The following GABPB1 variants were observed in gnomAD, a reference collection of about 807,000 sequenced individuals.
GABPB1 encodes the protein GA binding protein transcription factor subunit beta 1.
A neutral mutation model predicts 45.9 loss-of-function variants in GABPB1; 15 were observed. That is an observed-to-expected ratio of 0.33 (90% confidence interval 0.22 to 0.50). The LOEUF (loss-of-function observed/expected upper bound fraction) is 0.50. Among genes scored for constraint, GABPB1 ranks in the 20% least tolerant of loss-of-function variants. GABPB1 has a pLI of 0.98. For synonymous variants in GABPB1, 143 were observed against 154.4 expected (o/e 0.93, Z 0.55); for missense variants, 252 against 457.5 (o/e 0.55, Z 4.10).
intron 1 of GABPB1, among the ~76,000 whole-genome samples, chr15:50,319,166 G>A (rs2047461124): frequency 6.6e-6 from 1 of 152,218 alleles, no homozygotes; most frequent in Non-Finnish European, 1.5e-5. Context: ...AGACCTCTGG[G>A]AAAGAGGGTT....
In GABPB1 at chr15:50,285,358, A is replaced by G. The variant is rs140251861; in HGVS notation, c.999+710T>C. 6.2e-4 allele frequency among the ~76,000 whole-genome samples: 94 copies of G among 152,266 alleles called. 1 individual carries two copies. The highest frequency in any genetic ancestry group is 2.1e-3 in the African/African-American group (88 of 41,562). On this transcript the variant is annotated intron_variant, in intron 8 of 8. Coordinates refer to ENST00000380877, the MANE Select transcript of GABPB1 (RefSeq NM_016654.5). ...AAGAGGTGGGATTCCAACTCAGTTC[A>G]TTTGATTTCAAGTTCAGTGGCTGCA...
At chr15:50,324,306 G>T (rs185161350) in intron 1 of GABPB1, among the ~76,000 whole-genome samples, 1 of 152,130 alleles carries the variant, frequency 6.6e-6, no homozygotes, top group East Asian at 1.9e-4. Context: ...CACTGTTAAC[G>T]ACCTGCATTC....
At chr15:50,350,432 T>C (rs1344475885) in intron 1 of GABPB1, 3 of 149,856 alleles carry the variant, frequency 2.0e-5, no homozygotes, top group Non-Finnish European at 4.4e-5. Context: ...TTAAAGGGAA[T>C]TTCCATGTCA....
chr15:50,288,410 G>A (rs2046236094), intron 7 of GABPB1, among the ~76,000 whole-genome samples: 1 of 152,168 alleles, frequency 6.6e-6, no homozygotes, highest in Admixed American at 6.5e-5. Context: ...GGGGAGACAA[G>A]GTACAGGGCA....
chr15:50,306,603 G>A (rs1354727703), intron 2 of GABPB1, among the ~76,000 whole-genome samples: 10 of 150,332 alleles, frequency 6.7e-5, no homozygotes, highest in Non-Finnish European at 1.5e-4. Flanking sequence ...CTCCAGCCTG[G>A]GCAACAGAGC....
chr15:50,304,151 A>G lies in GABPB1; in HGVS notation c.109-18T>C. The G allele has an allele frequency of 1.3e-6, 2 of 1,559,626 alleles. No homozygotes were observed. Among genetic ancestry groups the G allele is most frequent in the South Asian group, 2.4e-5 (2 of 81,682 alleles). The stretch of plus-strand genomic sequence containing the variant: ...GTTCCCAGCTGTACCACAGAAAAAA[A>G]AAAAAATCCACATTTACATTATTGT... On this transcript the variant is annotated intron_variant, in intron 2 of 8. Coordinates refer to ENST00000380877, the MANE Select transcript of GABPB1 (RefSeq NM_016654.5).
intron 1 of GABPB1, among the ~76,000 whole-genome samples, chr15:50,348,043 G>GAAAAAAAAAAAAAA (rs763521486): frequency 2.6e-5 from 3 of 113,702 alleles, no homozygotes; most frequent in African/African-American, 4.1e-5. Context: ...ACTCCATCTG[G>GAAAAAAAAAAAAAA]AAAAAAAAAA....
At chr15:50,280,946 T>C (rs893934571) in intron 8 of GABPB1, among the ~76,000 whole-genome samples, 2 of 152,170 alleles carry the variant, frequency 1.3e-5, no homozygotes, top group African/African-American at 4.8e-5. Flanking sequence ...TCACAATTAT[T>C]GCAGAAGATG....
At chr15:50,287,606 A>G (rs957211734) in intron 7 of GABPB1, among the ~76,000 whole-genome samples, 1 of 152,224 alleles carries the variant, frequency 6.6e-6, no homozygotes, top group Non-Finnish European at 1.5e-5. Context: ...GCAGCCTCAG[A>G]AGAAACCAAA....
At chr15:50,307,971 TTCTA>T (rs963380947) in intron 2 of GABPB1, among the ~76,000 whole-genome samples, 1 of 152,216 alleles carries the variant, frequency 6.6e-6, no homozygotes, top group Non-Finnish European at 1.5e-5. Context: ...CTTTTACATT[TTCTA>T]TCTATTTTTA....
intron 8 of GABPB1, among the ~76,000 whole-genome samples, chr15:50,280,468 G>A (rs369452064): frequency 6.6e-6 from 1 of 152,166 alleles, no homozygotes; most frequent in African/African-American, 2.4e-5. Context: ...AATTTTACGT[G>A]TGGCTGGGCA....
At chr15:50,354,314 A>C (rs918859921) in intron 1 of GABPB1, 2 of 446,030 alleles carry the variant, frequency 4.5e-6, no homozygotes, top group Non-Finnish European at 9.0e-6. Flanking sequence ...CCCCCTCAGG[A>C]CTCCAGTCCC....
chr15:50,303,261 G>A (rs2046821348), intron 3 of GABPB1, 138 bp from the exon 4 acceptor site: 1 of 715,124 alleles, frequency 1.4e-6, no homozygotes, highest in Non-Finnish European at 2.2e-6. Flanking sequence ...TTAAATAGAT[G>A]TTCCAGGCCA....
At chr15:50,313,302 A>C (rs2047194672) in intron 1 of GABPB1, among the ~76,000 whole-genome samples, 1 of 152,194 alleles carries the variant, frequency 6.6e-6, no homozygotes, top group South Asian at 2.1e-4. Context: ...AGGTTAACAT[A>C]AAGTAAATAA....
In GABPB1 at chr15:50,328,238, T is replaced by TA. The variant is rs930410845; in HGVS notation, c.1-18441dup. On this transcript the variant is annotated intron_variant, in intron 1 of 8. Transcript: ENST00000380877. ...CATCTTGCTTCATCCTATTCCTTTC[T>TA]AAAAAAAAAAAAAATTGTACTTTAC... Among the ~76,000 whole-genome samples, 919 of 142,836 alleles carry TA rather than the reference T, an allele frequency of 6.4e-3. 5 individuals carry two copies. The highest frequency in any genetic ancestry group is 0.015 in the African/African-American group (607 of 39,298). 93.7% of individuals were successfully genotyped at this position (142,836 alleles called of 152,430 possible).
chr15:50,313,576 C>T (rs990147080), intron 1 of GABPB1, among the ~76,000 whole-genome samples: 4 of 151,936 alleles, frequency 2.6e-5, no homozygotes, highest in African/African-American at 7.2e-5. Flanking sequence ...TTATATATAA[C>T]TCTTCTAATG....
At chr15:50,280,910 AT>A (rs2045951387) in intron 8 of GABPB1, among the ~76,000 whole-genome samples, 1 of 152,208 alleles carries the variant, frequency 6.6e-6, no homozygotes, top group African/African-American at 2.4e-5. Context: ...TTACCTATTT[AT>A]TAACATTTAG....
intron 1 of GABPB1, chr15:50,327,360 G>T (rs1239039294): frequency 6.6e-6 from 1 of 152,130 alleles, no homozygotes; most frequent in African/African-American, 2.4e-5. Context: ...CACACTCATT[G>T]CCTCATACCT....
At chr15:50,295,851 C>G (rs1431893292) in intron 6 of GABPB1, among the ~76,000 whole-genome samples, 1 of 141,796 alleles carries the variant, frequency 7.1e-6, no homozygotes, top group Non-Finnish European at 1.6e-5. Context: ...TTTTAATCAT[C>G]AAGCACTGAC....
Sources: gnomAD v4.1 joint callset for allele counts (sites outside exome capture counted in the v4.1 genomes callset) on GRCh38, gnomAD v4.1.1 for gene constraint, MANE v1.5 for transcripts, NCBI Gene and HGNC (gene_info 2026-07-23, HGNC 2026-07-21) for gene names.